The following ZC3H13 variants were observed in gnomAD, a reference collection of about 807,000 sequenced individuals.
ZC3H13 encodes the protein zinc finger CCCH domain-containing protein 13.
A neutral mutation model predicts 204.1 loss-of-function variants in ZC3H13; 64 were observed. The observed-to-expected ratio is 0.31, with a 90% CI of 0.26 to 0.39. ZC3H13 has a LOEUF of 0.39. Ranked by LOEUF, ZC3H13 falls within the 10% of genes least tolerant of loss-of-function variation. ZC3H13 has a pLI of 1.00. For synonymous variants in ZC3H13, 667 were observed against 693.7 expected (o/e 0.96, Z 0.60); for missense variants, 1,833 against 2,082.7 (o/e 0.88, Z 2.33).
chr13:45,974,822 T>C (rs1952881481), intron 12 of ZC3H13, among the ~76,000 whole-genome samples: 1 of 152,144 alleles, frequency 6.6e-6, no homozygotes, highest in Admixed American at 6.5e-5. Flanking sequence ...CTGTCTTAAT[T>C]TAAAAATTAT....
At position 45,969,449 on chromosome 13, in the gene ZC3H13, C is replaced by T. The variant is rs1010830613; in HGVS notation, c.3095G>A (p.Arg1032Gln). 9.9e-6 allele frequency: 16 copies of T among 1,613,630 alleles called. No individual in the cohort carries two copies. Among genetic ancestry groups the T allele is most frequent in the Admixed American group, 1.7e-5 (1 of 59,922 alleles). ...AQQSKKKRGP[R>Q]TPPITTKEEL... ...CTCTTTAGTTGTTATAGGGGGAGTC[C>T]GTGGGCCTCTTTTCTTCTTACTTTG... Residue 1032 changes from arginine to glutamine, a missense_variant, in exon 14 of 19, where the codon CGG becomes CAG. This residue lies in a region of ZC3H13 where 1,574 missense variants were observed against 1,757.2 expected (regional missense o/e 0.90). Coordinates refer to ENST00000679008, the MANE Select transcript of ZC3H13 (RefSeq NM_001330564.2).
intron 4 of ZC3H13, among the ~76,000 whole-genome samples, chr13:46,035,398 A>G (rs1300379787): frequency 6.6e-6 from 1 of 152,234 alleles, no homozygotes; most frequent in African/African-American, 2.4e-5. Context: ...TAGCAACTGG[A>G]ACAACTCTTA....
At chr13:45,960,908 A>G (rs954086972) in intron 17 of ZC3H13, among the ~76,000 whole-genome samples, 1 of 152,244 alleles carries the variant, frequency 6.6e-6, no homozygotes, top group Non-Finnish European at 1.5e-5. Flanking sequence ...TTGAGATTAG[A>G]TAGTTAACAA....
At chr13:45,981,060 A>C (rs1399050816) in intron 10 of ZC3H13, among the ~76,000 whole-genome samples, 1 of 150,636 alleles carries the variant, frequency 6.6e-6, no homozygotes, top group Non-Finnish European at 1.5e-5. Flanking sequence ...GTGAATTCCT[A>C]ATTACTTCAA....
intron 9 of ZC3H13, 111 bp downstream of exon 9, chr13:45,988,676 T>C: frequency 8.2e-7 from 1 of 1,222,086 alleles, no homozygotes; most frequent in Non-Finnish European, 1.1e-6. Context: ...AAAATTCTAG[T>C]CTGTGTGTTA....
At chr13:45,962,116 G>A (rs1470610802) in intron 17 of ZC3H13, 2 of 944,486 alleles carry the variant, frequency 2.1e-6, no homozygotes, top group African/African-American at 1.8e-5. Flanking sequence ...AACCTACTAT[G>A]TATGTCAGGC....
chr13:46,048,792 GC>G (rs2044186818), intron 1 of ZC3H13, among the ~76,000 whole-genome samples: 1 of 152,004 alleles, frequency 6.6e-6, no homozygotes, highest in East Asian at 1.9e-4. Flanking sequence ...TTCACTTGCA[GC>G]TACTACTGTA....
At chr13:46,034,498 G>GT (rs527449029) in intron 4 of ZC3H13, among the ~76,000 whole-genome samples, 36 of 152,134 alleles carry the variant, frequency 2.4e-4, no homozygotes, top group Non-Finnish European at 4.3e-4. Flanking sequence ...GTTGAATCTG[G>GT]TAAGTACTAT....
chr13:46,051,785 C>A (rs2044442823), intron 1 of ZC3H13: 1 of 151,910 alleles, frequency 6.6e-6, no homozygotes. Flanking sequence ...AACATCTTAC[C>A]AACATAATTC....
At chr13:46,041,438 A>C (rs982576721) in intron 4 of ZC3H13, among the ~76,000 whole-genome samples, 1 of 152,098 alleles carries the variant, frequency 6.6e-6, no homozygotes, top group Non-Finnish European at 1.5e-5. Context: ...GCGACTGCTG[A>C]AAAGTTTGGC....
intron 8 of ZC3H13, among the ~76,000 whole-genome samples, chr13:45,992,143 ATC>A (rs1306000735): frequency 2.6e-5 from 4 of 152,198 alleles, no homozygotes; most frequent in African/African-American, 4.8e-5. Flanking sequence ...TACCAAAATC[ATC>A]TCTGTTTTCA....
intron 4 of ZC3H13, among the ~76,000 whole-genome samples, chr13:46,023,503 T>A (rs2042347069): frequency 6.6e-6 from 1 of 152,094 alleles, no homozygotes; most frequent in South Asian, 2.1e-4. Context: ...TCGGCTAGTG[T>A]GCTTCAATGA....
intron 10 of ZC3H13, among the ~76,000 whole-genome samples, chr13:45,980,709 T>G (rs905540064): frequency 1.3e-5 from 2 of 152,260 alleles, no homozygotes; most frequent in Admixed American, 6.5e-5. Context: ...ACGAGACAAT[T>G]ACAAAACAAG....
chr13:45,969,719 T>C lies in ZC3H13; in HGVS notation c.2825A>G (p.Gln942Arg). The C allele has an allele frequency of 1.9e-6, 3 of 1,613,892 alleles. No individual in the cohort carries two copies. Among genetic ancestry groups the C allele is most frequent in the Non-Finnish European group, 2.5e-6 (3 of 1,180,014 alleles). ...MRAQDIIGHH[Q>R]SEDRETSDRA... ...ATCAGATGTCTCTCGATCTTCAGAC[T>C]GGTGGTGTCCTATAATGTCCTGTGC... Residue 942 changes from glutamine (Q) to arginine (R), a missense_variant, in exon 14 of 19, where the codon CAG (glutamine) becomes CGG (arginine). Around this residue, in one of 5 missense-constraint regions of ZC3H13, gnomAD observed 1,574 missense variants for 1,757.2 expected, o/e 0.90. Coordinates refer to ENST00000679008, the MANE Select transcript of ZC3H13 (RefSeq NM_001330564.2).
At chr13:45,987,401 T>C (rs1214298488) in intron 9 of ZC3H13, among the ~76,000 whole-genome samples, 1 of 152,216 alleles carries the variant, frequency 6.6e-6, no homozygotes, top group African/African-American at 2.4e-5. Context: ...TCATTAAATA[T>C]GTACTATATT....
At chr13:46,003,363 G>A in intron 7 of ZC3H13, 27 bp from the exon 8 acceptor site, 1 of 1,590,362 alleles carries the variant, frequency 6.3e-7, no homozygotes, top group Non-Finnish European at 8.5e-7. Context: ...GCTATCATTA[G>A]AGGTTCAAAT....
chr13:45,994,005 C>A (rs1447062442), intron 8 of ZC3H13, among the ~76,000 whole-genome samples: 1 of 152,220 alleles, frequency 6.6e-6, no homozygotes, highest in Non-Finnish European at 1.5e-5. Context: ...TTGAACAACA[C>A]AGGGTCCACA....
In ZC3H13 at chr13:45,967,507, C is replaced by T; in HGVS notation, c.4318G>A (p.Glu1440Lys). Reference sequence around the variant, plus strand: ...AGACAACAGAGGTAGCACTCACCTTCCAGACTCTCAGTTCTCTCGGATTTA... The same window carrying T: ...AGACAACAGAGGTAGCACTCACCTTTCAGACTCTCAGTTCTCTCGGATTTA... ...TNKSERTESL[E>K]AGDDESKLDD... The change falls in exon 15 of 19, where the codon GAA becomes AAA. Residue 1440 changes from glutamate (E) to lysine (K), a missense_variant. Glu to Lys is a moderately conservative substitution (Grantham distance 56, BLOSUM62 1). Coordinates refer to ENST00000679008, the MANE Select transcript of ZC3H13 (RefSeq NM_001330564.2). 1 of 1,544,216 alleles carries T rather than the reference C, an allele frequency of 6.5e-7. No homozygotes were observed. The highest frequency in any genetic ancestry group is 8.7e-7 in the Non-Finnish European group (1 of 1,150,132).
intron 7 of ZC3H13, among the ~76,000 whole-genome samples, chr13:46,004,556 T>TA (rs1203468956): frequency 6.6e-6 from 1 of 152,020 alleles, no homozygotes; most frequent in African/African-American, 2.4e-5. Context: ...AAATTTTTTT[T>TA]AAAAAAGCAG....
Sources: allele counts gnomAD v4.1 joint callset (sites outside exome capture counted in the v4.1 genomes callset), GRCh38; gene constraint gnomAD v4.1.1; regional missense constraint gnomAD v4.1.1; transcripts MANE v1.5; gene names NCBI Gene and HGNC (gene_info 2026-07-23, HGNC 2026-07-21).